Variants in MAPK8IP3 observed in about 807,000 individuals in gnomAD.
MAPK8IP3 encodes the protein mitogen-activated protein kinase 8 interacting protein 3.
Under a neutral mutation model 157.8 loss-of-function variants are expected in MAPK8IP3, and 49 were observed. The ratio of observed to expected loss-of-function variants is 0.31; its 90% CI spans 0.25 to 0.39. The LOEUF (loss-of-function observed/expected upper bound fraction) is 0.39, where lower values mean the gene tolerates loss of function less well. MAPK8IP3 is among the 10% of genes least tolerant of loss of function. The probability of loss-of-function intolerance (pLI) is 1.00; values close to 1 mark genes in which losing one functional copy is unlikely to be tolerated. For missense variants in MAPK8IP3, 1,478 were observed against 1,889.4 expected, an observed-to-expected ratio of 0.78 and a Z score of 4.04; for synonymous variants, 897 against 777.7, an observed-to-expected ratio of 1.15 and a Z score of -2.55.
At chr16:1,763,853 T>C in intron 17 of MAPK8IP3, 70 bp downstream of exon 17, 1 of 223,134 alleles carries the variant, frequency 4.5e-6, no homozygotes, top group Non-Finnish European at 6.5e-6. Context: ...GGCGGGGCGC[T>C]GTGGGGCGGG....
chr16:1,726,761 G>C (rs963961587), intron 2 of MAPK8IP3, among the ~76,000 whole-genome samples: 2 of 152,230 alleles, frequency 1.3e-5, no homozygotes, highest in African/African-American at 2.4e-5. Flanking sequence ...CAGGCCCCGG[G>C]CTCCCTCCAG....
At chr16:1,762,598 C>G in intron 14 of MAPK8IP3, 77 bp from the exon 15 acceptor site, 1 of 1,548,656 alleles carries the variant, frequency 6.5e-7, no homozygotes, top group Non-Finnish European at 8.7e-7. Context: ...TGGGTGCTTC[C>G]TGGCGGGAGC....
At chr16:1,711,284 G>A (rs1326889559) in intron 1 of MAPK8IP3, among the ~76,000 whole-genome samples, 1 of 152,198 alleles carries the variant, frequency 6.6e-6, no homozygotes, top group Non-Finnish European at 1.5e-5. Context: ...GTTGTGTCCT[G>A]TGTTCTGCGG....
In MAPK8IP3 at chr16:1,741,093, C is replaced by T. The variant is rs1158735961; in HGVS notation, c.603-2239C>T. 6.6e-6 allele frequency among the ~76,000 whole-genome samples: 1 copy of T among 152,140 alleles called. No homozygotes were observed. Among genetic ancestry groups the T allele is most frequent in the Non-Finnish European group, 1.5e-5 (1 of 67,998 alleles). ...GCCAAGGAAGGGCCCCTCTCTGCAT[C>T]AGTCGGACCTGGACTCATAGCCCAG... is the stretch of plus-strand genomic sequence containing the variant. On this transcript the variant is annotated intron_variant, in intron 4 of 31. Coordinates refer to ENST00000610761, the MANE Select transcript of MAPK8IP3 (RefSeq NM_001318852.2). The surrounding 1 kb of genome is among the most constrained non-coding windows in gnomAD (Gnocchi z 6.9).
rs939755831 is a variant in MAPK8IP3 at position 1,748,261 on chromosome 16, G to A, written c.1012G>A (p.Glu338Lys). The A allele has an allele frequency of 1.9e-6, 3 of 1,613,790 alleles. No individual in the cohort carries two copies. Among genetic ancestry groups the A allele is most frequent in the South Asian group, 1.1e-5 (1 of 91,086 alleles). ...TCCCCTAGGCATGGGCAGCAGTGACGAGTGGTCTGATGTTCAAGACATTAT... is the reference window on the plus strand; with the variant it reads ...TCCCCTAGGCATGGGCAGCAGTGACAAGTGGTCTGATGTTCAAGACATTAT... The part of the protein sequence containing the change: ...NVSIGMGSSD[E>K]WSDVQDIIDS... Residue 338 changes from glutamate (E) to lysine (K), a missense_variant, in exon 7 of 32, where the codon GAG becomes AAG. Transcript: ENST00000610761.
chr16:1,719,012 G>A (rs2038341538), intron 1 of MAPK8IP3, among the ~76,000 whole-genome samples: 1 of 152,186 alleles, frequency 6.6e-6, no homozygotes, highest in Admixed American at 6.5e-5. Context: ...GGTCAAGGCT[G>A]TAGTGAGCCT....
chr16:1,755,549 T>C (rs953408289), intron 8 of MAPK8IP3, among the ~76,000 whole-genome samples: 1 of 151,900 alleles, frequency 6.6e-6, no homozygotes, highest in African/African-American at 2.4e-5. Context: ...CAACAAAGGA[T>C]AGTAGAACTG....
At chr16:1,746,508 C>T (rs2040969912) in intron 5 of MAPK8IP3, 1 of 156,236 alleles carries the variant, frequency 6.4e-6, no homozygotes, top group African/African-American at 2.4e-5. Flanking sequence ...ACCTTCTGGT[C>T]ACTCCCTGGC....
Position 1,768,875 on chromosome 16 carries a change from AC to A in MAPK8IP3, c.*56del. 2 of 1,588,792 alleles carry A rather than the reference AC, an allele frequency of 1.3e-6. No homozygotes were observed. Among genetic ancestry groups the A allele is most frequent in the Non-Finnish European group, 1.7e-6 (2 of 1,168,018 alleles). On this transcript the variant is annotated 3_prime_UTR_variant, in exon 32 of 32. Transcript: ENST00000610761. The stretch of plus-strand genomic sequence containing the variant: ...TGTACATAGGACCCCCGACCACCTG[AC>A]CCCCGCCCGGCCCGCGGGGTAGCCA...
intron 4 of MAPK8IP3, among the ~76,000 whole-genome samples, chr16:1,736,237 C>T: frequency 1.3e-5 from 1 of 77,072 alleles, no homozygotes; most frequent in African/African-American, 5.3e-5. Flanking sequence ...TGTAAGCATC[C>T]GTGTGAGCGT....
rs1413994254 is a variant in MAPK8IP3 at position 1,766,223 on chromosome 16, A to T, written c.2633A>T (p.Glu878Val). The change falls in exon 22 of 32, where the codon GAG becomes GTG. Residue 878 changes from glutamate to valine, a missense_variant. Physicochemically the swap from Glu to Val is moderately radical, Grantham distance 121. Coordinates refer to ENST00000610761, the MANE Select transcript of MAPK8IP3 (RefSeq NM_001318852.2). ...DTPVLDKGQGEVATIANGKVN... is the reference protein window; with the variant it reads ...DTPVLDKGQGVVATIANGKVN... ...AAGCTCACCTCTCCTAACACAGGGG[A>T]GGTGGCCACCATCGCCAACGGGAAG... 4.4e-6 allele frequency: 7 copies of T among 1,608,956 alleles called. No individual in the cohort carries two copies. The highest frequency in any genetic ancestry group is 5.9e-6 in the Non-Finnish European group (7 of 1,177,728).
At chr16:1,725,149 T>TTTTTTTTTA (rs368464070) in intron 2 of MAPK8IP3, among the ~76,000 whole-genome samples, 1 of 144,468 alleles carries the variant, frequency 6.9e-6, no homozygotes, top group African/African-American at 2.6e-5. Context: ...GCAGAAAGGG[T>TTTTTTTTTA]TTATTATTAT....
chr16:1,739,357 CGT>C (rs1321434030), intron 4 of MAPK8IP3, among the ~76,000 whole-genome samples: 1 of 132,388 alleles, frequency 7.6e-6, no homozygotes, highest in Non-Finnish European at 1.6e-5. Context: ...TGTGAGCATC[CGT>C]GTGAGCATCC....
chr16:1,749,162 A>T (rs758390836), intron 8 of MAPK8IP3, among the ~76,000 whole-genome samples: 4 of 152,184 alleles, frequency 2.6e-5, no homozygotes, highest in Non-Finnish European at 4.4e-5. Flanking sequence ...ACTCGTGGGT[A>T]TTGAGGGTCG....
rs1567147397 is a variant in MAPK8IP3, at chr16:1,724,961, T to C, written c.439+284T>C. ...AGTCTGTGGTCCTGAAGGTCCTTCCTGAATCTTTTGAACAGAGCTCCTGCA... is the reference window on the plus strand; with the variant it reads ...AGTCTGTGGTCCTGAAGGTCCTTCCCGAATCTTTTGAACAGAGCTCCTGCA... On this transcript the variant is annotated intron_variant, in intron 2 of 31. Transcript: ENST00000610761. This position sits in a 1 kb window ranked among gnomAD's most constrained non-coding sequence, Gnocchi z 4.1. Among the ~76,000 whole-genome samples, 1 of 152,134 alleles carries C rather than the reference T, an allele frequency of 6.6e-6. No individual in the cohort carries two copies. Among genetic ancestry groups the C allele is most frequent in the Non-Finnish European group, 1.5e-5 (1 of 68,022 alleles).
At chr16:1,735,279 TGA>T (rs988468150) in intron 4 of MAPK8IP3, among the ~76,000 whole-genome samples, 1 of 150,410 alleles carries the variant, frequency 6.6e-6, no homozygotes, top group Non-Finnish European at 1.5e-5. Context: ...TGACCGTCTG[TGA>T]GTGTGCGACG....
intron 2 of MAPK8IP3, among the ~76,000 whole-genome samples, chr16:1,728,652 C>G (rs1382734701): frequency 6.9e-6 from 1 of 145,502 alleles, no homozygotes; most frequent in South Asian, 2.2e-4. Context: ...ACGGCCTTCA[C>G]AGAGCTGAGT....
At chr16:1,762,793 C>T in intron 15 of MAPK8IP3, 43 bp from the exon 16 acceptor site, 2 of 1,602,540 alleles carry the variant, frequency 1.2e-6, no homozygotes, top group Non-Finnish European at 1.7e-6. Flanking sequence ...AGGGAGGTTC[C>T]CTGGTCCTCT....
At chr16:1,736,683 C>G (rs1460537013) in intron 4 of MAPK8IP3, among the ~76,000 whole-genome samples, 1 of 56,362 alleles carries the variant, frequency 1.8e-5, no homozygotes, top group Non-Finnish European at 3.2e-5. Context: ...TGTGAGCATC[C>G]GTGTGACCGA....
Sources: gnomAD v4.1 joint callset for allele counts (sites outside exome capture counted in the v4.1 genomes callset) on GRCh38, gnomAD v4.1.1 for gene constraint, Gnocchi (gnomAD v3.1) non-coding constraint, MANE v1.5 for transcripts, NCBI Gene and HGNC (gene_info 2026-07-23, HGNC 2026-07-21) for gene names.